DIXDC1: variants seen among roughly 807,000 people sequenced by gnomAD.
DIXDC1 encodes dixin.
In DIXDC1, 64 loss-of-function variants were observed where a neutral mutation model predicts 103.1. The ratio of observed to expected loss-of-function variants is 0.62; its 90% CI spans 0.51 to 0.76. DIXDC1 has a LOEUF of 0.76. Ranked by LOEUF, DIXDC1 falls within the 30% of genes least tolerant of loss-of-function variation. The pLI is 0.00. For synonymous variants in DIXDC1, 266 were observed against 298.5 expected (o/e 0.89, Z 1.12); for missense variants, 759 against 834.2 (o/e 0.91, Z 1.11).
In DIXDC1 at chr11:111,976,041, C is replaced by A; in HGVS notation, c.656+1058C>A. The A allele has an allele frequency of 4.3e-6, 2 of 468,124 alleles. No homozygotes were observed. The highest frequency in any genetic ancestry group is 5.6e-6 in the Non-Finnish European group (2 of 357,316). The allele number at this position is 468,124 out of a possible 1,614,324, so 29.0% of individuals were successfully genotyped here. A position where few individuals can be genotyped will look rare whatever the true frequency, so the allele number is the denominator to read the frequency against. On this transcript the variant is annotated intron_variant, in intron 5 of 19. Transcript: ENST00000440460. The surrounding 1 kb of genome is among the most constrained non-coding windows in gnomAD (Gnocchi z 4.3). ...TCTTCATAATGTGGTGCGACCATCA[C>A]CTCTATCCACTCAGAAGACATCTTC...
intron 17 of DIXDC1, among the ~76,000 whole-genome samples, chr11:112,013,326 G>T (rs1363786624): frequency 2.5e-5 from 3 of 118,834 alleles, no homozygotes; most frequent in Non-Finnish European, 5.2e-5. Context: ...GGGGGTGGGG[G>T]TGGGGTGGGG....
chr11:111,975,438 C>T (rs145374419), intron 5 of DIXDC1: 21,042 of 1,010,628 alleles, frequency 0.021, 264 homozygotes, highest in Non-Finnish European at 0.024. Context: ...ATGTTTCCAA[C>T]TTTCCTCTAC....
intron 15 of DIXDC1, 112 bp from the exon 16 acceptor site, chr11:111,995,291 C>A (rs10789855): frequency 1.4e-6 from 2 of 1,448,378 alleles, no homozygotes; most frequent in Non-Finnish European, 9.4e-7. Context: ...AACCATAGGC[C>A]TGCTTCTGTG....
chr11:112,009,133 C>T (rs587685238), intron 17 of DIXDC1, among the ~76,000 whole-genome samples: 7 of 152,136 alleles, frequency 4.6e-5, no homozygotes, highest in East Asian at 3.9e-4. Flanking sequence ...ATATTACCAC[C>T]GATCCCACAG....
rs1365541648 is a variant in DIXDC1 at position 112,021,635 on chromosome 11, C to A, written c.*2599C>A. 2 of 152,170 alleles carry A rather than the reference C, an allele frequency of 1.3e-5. No individual in the cohort carries two copies. The highest frequency in any genetic ancestry group is 1.9e-4 in the East Asian group (1 of 5,204). The allele number at this position is 152,170 out of a possible 1,614,324, so 9.4% of individuals were successfully genotyped here. A position where few individuals can be genotyped will look rare whatever the true frequency, so the allele number is the denominator to read the frequency against. ...ACCATGTTAGGTTAAAACAAAATGA[C>A]CATCTCACAAAAACGAGTTTAGTTG... On this transcript the variant is annotated 3_prime_UTR_variant, in exon 20 of 20. Coordinates refer to ENST00000440460, the MANE Select transcript of DIXDC1 (RefSeq NM_001037954.4).
intron 9 of DIXDC1, 154 bp from the exon 10 acceptor site, chr11:111,988,851 T>C (rs143335385): frequency 2.0e-5 from 12 of 613,928 alleles, no homozygotes; most frequent in Non-Finnish European, 3.4e-5. Flanking sequence ...CAGCCTGTAC[T>C]GCTCACTGAA....
chr11:111,937,361 G>T lies in DIXDC1; in HGVS notation c.-139G>T. The T allele has an allele frequency of 6.9e-7, 1 of 1,444,844 alleles. No individual in the cohort carries two copies. The highest frequency in any genetic ancestry group is 9.1e-7 in the Non-Finnish European group (1 of 1,099,772). The allele number at this position is 1,444,844 out of a possible 1,614,324, so 89.5% of individuals were successfully genotyped here. On this transcript the variant is annotated 5_prime_UTR_variant, in exon 1 of 20. Coordinates refer to ENST00000440460, the MANE Select transcript of DIXDC1 (RefSeq NM_001037954.4). ...AGCCGCTAGTTTGGCTCCAGTCTAG[G>T]TTTCCAGTAAGTGGCATGCGGGACT...
intron 1 of DIXDC1, among the ~76,000 whole-genome samples, chr11:111,948,590 G>T (rs1566470525): frequency 6.6e-6 from 1 of 151,264 alleles, no homozygotes; most frequent in Non-Finnish European, 1.5e-5. Flanking sequence ...ACAAAATGAT[G>T]ATTTCCAGTC....
In DIXDC1 at chr11:111,992,892, T is replaced by C. The variant is rs587605981; in HGVS notation, c.1219-59T>C. 47 of 1,544,268 alleles carry C rather than the reference T, an allele frequency of 3.0e-5. No homozygotes were observed. The South Asian group carries it at 5.3e-4, about 17-fold the overall frequency. On this transcript the variant is annotated intron_variant, in intron 11 of 19. Transcript: ENST00000440460. ...CATTAACTGGTTACTAAGTAGCTGG[T>C]TTCCTTGAGGGTTAGCAGGCAGTAC... is the stretch of plus-strand genomic sequence containing the variant.
intron 19 of DIXDC1, among the ~76,000 whole-genome samples, chr11:112,018,312 C>T (rs1201905827): frequency 6.6e-6 from 1 of 152,136 alleles, no homozygotes; most frequent in African/African-American, 2.4e-5. Flanking sequence ...TGCTTATGCC[C>T]AACTCCTTGA....
chr11:111,937,462 G>C lies in DIXDC1; in HGVS notation c.-38G>C. On this transcript the variant is annotated 5_prime_UTR_variant, in exon 1 of 20. Transcript: ENST00000440460. ...GAGGAGGAGGCGGCGGCGGCCGCCGGGCTGGAGACCCCGCCCGGGGAGCCC... is the reference window on the plus strand; with the variant it reads ...GAGGAGGAGGCGGCGGCGGCCGCCGCGCTGGAGACCCCGCCCGGGGAGCCC... 1 of 1,558,930 alleles carries C rather than the reference G, an allele frequency of 6.4e-7. No individual in the cohort carries two copies. Among genetic ancestry groups the C allele is most frequent in the South Asian group, 1.2e-5 (1 of 84,416 alleles).
chr11:111,949,709 C>T (rs1966712970), intron 1 of DIXDC1, among the ~76,000 whole-genome samples: 1 of 152,180 alleles, frequency 6.6e-6, no homozygotes, highest in African/African-American at 2.4e-5. Context: ...AACATTATCA[C>T]CTGCTCCGCC....
chr11:111,951,983 A>G (rs954349771), intron 1 of DIXDC1, among the ~76,000 whole-genome samples: 1 of 151,450 alleles, frequency 6.6e-6, no homozygotes, highest in Non-Finnish European at 1.5e-5. Flanking sequence ...CTCCTACCTC[A>G]GCCTCCTGAG....
chr11:111,977,722 A>G lies in DIXDC1; in HGVS notation c.656+2739A>G. ...GGAGCGATGTGACTCTCAGCCTCCC[A>G]CTTCACCCGGGGACGCAGGCTTGCT... On this transcript the variant is annotated intron_variant, in intron 5 of 19. Coordinates refer to ENST00000440460, the MANE Select transcript of DIXDC1 (RefSeq NM_001037954.4). This position sits in a 1 kb window ranked among gnomAD's most constrained non-coding sequence, Gnocchi z 6.1. 1.3e-6 allele frequency: 2 copies of G among 1,551,968 alleles called. No individual in the cohort carries two copies. The highest frequency in any genetic ancestry group is 2.7e-5 in the African/African-American group (2 of 72,734).
intron 7 of DIXDC1, among the ~76,000 whole-genome samples, chr11:111,984,080 T>C (rs1555173580): frequency 1.3e-5 from 2 of 152,220 alleles, no homozygotes; most frequent in African/African-American, 4.8e-5. Context: ...CAAAATTCAT[T>C]TGACTTACTC....
In DIXDC1 at chr11:111,982,476, T is replaced by A; in HGVS notation, c.907T>A (p.Ser303Thr). The change falls in exon 7 of 20, where the codon TCA (serine) becomes ACA (threonine). Residue 303 changes from serine to threonine, a missense_variant. Ser to Thr is a moderately conservative substitution (Grantham distance 58). Coordinates refer to ENST00000440460, the MANE Select transcript of DIXDC1 (RefSeq NM_001037954.4). ...KEMEEAKKMI[S>T]GLQALLLNGS... The stretch of plus-strand genomic sequence containing the variant: ...AATGGAGGAAGCAAAGAAAATGATA[T>A]CAGGACTACAGGTAGCTCTCTCCCT... The A allele has an allele frequency of 6.2e-7, 1 of 1,613,252 alleles. No homozygotes were observed. The highest frequency in any genetic ancestry group is 8.5e-7 in the Non-Finnish European group (1 of 1,179,590).
intron 1 of DIXDC1, among the ~76,000 whole-genome samples, chr11:111,940,797 G>A (rs1966392873): frequency 6.6e-6 from 1 of 152,188 alleles, no homozygotes; most frequent in South Asian, 2.1e-4. Context: ...TGCTCATTGA[G>A]GCCAGATTTT....
intron 1 of DIXDC1, among the ~76,000 whole-genome samples, chr11:111,947,137 T>TG (rs1555169459): frequency 6.6e-6 from 1 of 151,610 alleles, no homozygotes; most frequent in South Asian, 2.1e-4. Context: ...AGAGTAGGGG[T>TG]GGGGGCTTGA....
chr11:111,977,951 G>C lies in DIXDC1; in HGVS notation c.657-2786G>C, dbSNP rs1860172666. Among the ~76,000 whole-genome samples the C allele has an allele frequency of 6.6e-6, 1 of 152,100 alleles. No homozygotes were observed. The highest frequency in any genetic ancestry group is 1.5e-5 in the Non-Finnish European group (1 of 68,008). ...GGGGTTATCACTATAAAATACGGTG[G>C]GCGTAGGAAGTGGAGCCAGCATGGG... On this transcript the variant is annotated intron_variant, in intron 5 of 19. Transcript: ENST00000440460. The surrounding 1 kb of genome is among the most constrained non-coding windows in gnomAD (Gnocchi z 6.1).
Sources: allele counts gnomAD v4.1 joint callset (sites outside exome capture counted in the v4.1 genomes callset), GRCh38; gene constraint gnomAD v4.1.1; non-coding constraint Gnocchi (gnomAD v3.1); transcripts MANE v1.5; gene names NCBI Gene and HGNC (gene_info 2026-07-23, HGNC 2026-07-21).